CFAP54: variants seen among roughly 807,000 people sequenced by gnomAD.
CFAP54 encodes the protein cilia- and flagella-associated protein 54.
A neutral mutation model predicts 370.4 loss-of-function variants in CFAP54; 290 were observed. The observed-to-expected ratio is 0.78, with a 90% CI of 0.71 to 0.86. The LOEUF (loss-of-function observed/expected upper bound fraction) is 0.86. Among genes scored for constraint, CFAP54 ranks in the 40% least tolerant of loss-of-function variants. The pLI, the probability that CFAP54 is intolerant of heterozygous loss-of-function variation, is 0.00. For synonymous variants in CFAP54, 1,206 were observed against 1,236.5 expected, an observed-to-expected ratio of 0.98 and a Z score of 0.52; for missense variants, 3,399 against 3,528.7, an observed-to-expected ratio of 0.96 and a Z score of 0.93.
intron 64 of CFAP54, among the ~76,000 whole-genome samples, chr12:96,816,669 A>T (rs571517448): frequency 2.0e-5 from 3 of 152,318 alleles, no homozygotes; most frequent in Admixed American, 1.3e-4. Context: ...CTTCTTTTGC[A>T]TAAAAATTTT....
At chr12:96,660,301 G>A (rs1385266984) in intron 38 of CFAP54, among the ~76,000 whole-genome samples, 4 of 152,156 alleles carry the variant, frequency 2.6e-5, no homozygotes, top group East Asian at 1.9e-4. Flanking sequence ...TGCTCCTTCC[G>A]AGGATTTTTT....
At chr12:96,629,540 C>T (rs1167689898) in intron 30 of CFAP54, among the ~76,000 whole-genome samples, 1 of 151,668 alleles carries the variant, frequency 6.6e-6, no homozygotes, top group African/African-American at 2.4e-5. Context: ...GTCTCTATCT[C>T]CTGACCTCGT....
chr12:96,493,970 G>T (rs944834415), intron 1 of CFAP54, among the ~76,000 whole-genome samples: 30 of 152,230 alleles, frequency 2.0e-4, no homozygotes, highest in African/African-American at 7.2e-4. Context: ...GACACTTAAA[G>T]CAGAGGCTTA....
intron 63 of CFAP54, among the ~76,000 whole-genome samples, chr12:96,798,239 T>G (rs1399242798): frequency 1.3e-5 from 2 of 152,134 alleles, no homozygotes; most frequent in Non-Finnish European, 2.9e-5. Flanking sequence ...AGACGTTTCT[T>G]CTAGGATTAC....
At chr12:96,580,469 T>C (rs1360683711) in intron 20 of CFAP54, 128 bp from the exon 21 acceptor site, 4 of 519,990 alleles carry the variant, frequency 7.7e-6, no homozygotes, top group Admixed American at 3.8e-5. Flanking sequence ...TAAACCTAAG[T>C]ATATTTGTAA....
intron 39 of CFAP54, among the ~76,000 whole-genome samples, chr12:96,671,446 T>C (rs1957145377): frequency 6.6e-6 from 1 of 152,224 alleles, no homozygotes; most frequent in Admixed American, 6.5e-5. Flanking sequence ...AACGTAAGCT[T>C]TATGAGGGCA....
At chr12:96,649,348 C>T (rs1956833002) in intron 34 of CFAP54, among the ~76,000 whole-genome samples, 2 of 152,080 alleles carry the variant, frequency 1.3e-5, no homozygotes, top group African/African-American at 4.8e-5. Flanking sequence ...GGCTCTCTAC[C>T]TAAGACCTAC....
At chr12:96,792,278 G>A (rs1167089647) in intron 62 of CFAP54, 51 bp from the exon 63 acceptor site, 50 of 1,395,884 alleles carry the variant, frequency 3.6e-5, no homozygotes, top group Non-Finnish European at 4.3e-5. Flanking sequence ...TTTCATATAT[G>A]TAACAAATTT....
chr12:96,628,473 C>T (rs1390332589), intron 30 of CFAP54, among the ~76,000 whole-genome samples: 1 of 152,044 alleles, frequency 6.6e-6, no homozygotes, highest in Non-Finnish European at 1.5e-5. Context: ...AACATAACCA[C>T]CAGGTCAAGC....
At chr12:96,665,184 T>C (rs1168152861) in intron 39 of CFAP54, among the ~76,000 whole-genome samples, 1 of 152,028 alleles carries the variant, frequency 6.6e-6, no homozygotes, top group Non-Finnish European at 1.5e-5. Context: ...TCTTGTAAAT[T>C]TGCTTAAGTT....
At position 96,489,988 on chromosome 12, in the gene CFAP54, G is replaced by A. The variant is rs895601320; in HGVS notation, c.317+62G>A. ...AGAGGAGGGACCCCTGGAAAGGGCT[G>A]GAGGATGCAGGTGGTGGCCCCAGAG... On this transcript the variant is annotated intron_variant, in intron 1 of 67. Coordinates refer to ENST00000524981, the MANE Select transcript of CFAP54 (RefSeq NM_001306084.2). 4.2e-6 allele frequency: 6 copies of A among 1,414,794 alleles called. No individual in the cohort carries two copies. In the African/African-American group the frequency reaches 8.7e-5, roughly 20 times the overall value. 87.6% of individuals were successfully genotyped at this position (1,414,794 alleles called of 1,614,324 possible).
chr12:96,744,068 T>C lies in CFAP54; in HGVS notation c.7606T>C (p.Tyr2536His). Residue 2536 changes from tyrosine (Y) to histidine (H), a missense_variant, in exon 55 of 68, where the codon TAT (tyrosine) becomes CAT (histidine). Coordinates refer to ENST00000524981, the MANE Select transcript of CFAP54 (RefSeq NM_001306084.2). ...TGAATTTCGTTCATCAAACACTAAATATGCAAATCCATTACAGCCTTTGAA... is the reference window on the plus strand; with the variant it reads ...TGAATTTCGTTCATCAAACACTAAACATGCAAATCCATTACAGCCTTTGAA... ...TIEFRSSNTK[Y>H]ANPLQPLKNI... is the part of the protein sequence containing the mutation. 6.2e-7 allele frequency: 1 copy of C among 1,610,986 alleles called. No individual in the cohort carries two copies. The highest frequency in any genetic ancestry group is 1.1e-5 in the South Asian group (1 of 90,358).
chr12:96,509,448 C>G (rs1290205519), intron 4 of CFAP54, among the ~76,000 whole-genome samples: 1 of 152,176 alleles, frequency 6.6e-6, no homozygotes. Flanking sequence ...GACATTTACT[C>G]TATTTACTTT....
chr12:96,552,626 G>C (rs1196709231), intron 15 of CFAP54, among the ~76,000 whole-genome samples: 3 of 152,178 alleles, frequency 2.0e-5, no homozygotes. Context: ...TTACAGGCGT[G>C]AGCCACCACG....
chr12:96,556,329 A>C (rs1403510442), intron 17 of CFAP54, among the ~76,000 whole-genome samples: 1 of 152,054 alleles, frequency 6.6e-6, no homozygotes, highest in Non-Finnish European at 1.5e-5. Context: ...AAGCAAAAAA[A>C]AAATAAAAAT....
chr12:96,832,298 G>A (rs1454177022), intron 66 of CFAP54, among the ~76,000 whole-genome samples: 2 of 150,146 alleles, frequency 1.3e-5, no homozygotes, highest in East Asian at 3.9e-4. Context: ...TATATATATA[G>A]GTTATAAAAA....
At chr12:96,705,056 T>A (rs1318903949) in intron 47 of CFAP54, among the ~76,000 whole-genome samples, 1 of 152,174 alleles carries the variant, frequency 6.6e-6, no homozygotes. Context: ...ATAATAATTT[T>A]AAAAAACTTA....
intron 63 of CFAP54, among the ~76,000 whole-genome samples, chr12:96,803,969 C>A (rs1031323773): frequency 6.6e-6 from 1 of 151,908 alleles, no homozygotes. Context: ...CAGGAAAAAT[C>A]TGAAAACCAA....
rs192201660 is a variant in CFAP54 at position 96,801,564 on chromosome 12, A to G, written c.8850+9065A>G. Among the ~76,000 whole-genome samples the G allele has an allele frequency of 2.0e-3, 309 of 152,316 alleles. 4 individuals carry two copies. In the South Asian group the frequency reaches 0.026, roughly 13 times the overall value. On this transcript the variant is annotated intron_variant, in intron 63 of 67. Transcript: ENST00000524981. ...ACTGTAAGAAGATGTAACCACGGCT[A>G]AAGGTTTGATTGACCAAATTTGTCT...
Sources: allele counts gnomAD v4.1 joint callset (sites outside exome capture counted in the v4.1 genomes callset), GRCh38; gene constraint gnomAD v4.1.1; transcripts MANE v1.5; gene names NCBI Gene and HGNC (gene_info 2026-07-23, HGNC 2026-07-21).